The following RANBP17 variants were observed in gnomAD, a reference collection of about 807,000 sequenced individuals.
RANBP17 encodes the protein ran-binding protein 17.
Under a neutral mutation model 141.2 loss-of-function variants are expected in RANBP17, and 158 were observed. That is an observed-to-expected ratio of 1.12 (90% CI 0.98 to 1.28). The LOEUF is 1.28. Ranked by LOEUF, RANBP17 falls within the 50% of genes most tolerant of loss-of-function variation. The probability of loss-of-function intolerance (pLI) is 0.00; values close to 1 mark genes in which losing one functional copy is unlikely to be tolerated. For synonymous variants in RANBP17, 430 were observed against 450.0 expected, an observed-to-expected ratio of 0.96 and a Z score of 0.56; for missense variants, 1,438 against 1,290.7, an observed-to-expected ratio of 1.11 and a Z score of -1.75.
intron 4 of RANBP17, among the ~76,000 whole-genome samples, chr5:170,892,960 G>A: frequency 6.6e-6 from 1 of 152,094 alleles, no homozygotes; most frequent in South Asian, 2.1e-4. Context: ...AGATTGCATA[G>A]TGACTGATTA....
At chr5:171,271,195 C>T (rs1561817872) in intron 25 of RANBP17, 1 of 158,940 alleles carries the variant, frequency 6.3e-6, no homozygotes, top group Non-Finnish European at 1.3e-5. Flanking sequence ...GGGACTTAAG[C>T]TGAAAGAACA....
At chr5:170,918,625 G>A (rs1251299711) in intron 9 of RANBP17, 88 bp from the exon 10 acceptor site, 8 of 1,072,444 alleles carry the variant, frequency 7.5e-6, no homozygotes, top group Non-Finnish European at 1.0e-5. Flanking sequence ...ATGAAAATTG[G>A]GAGACTTAAG....
chr5:171,275,989 C>G (rs574129859), intron 25 of RANBP17, among the ~76,000 whole-genome samples: 1 of 152,134 alleles, frequency 6.6e-6, no homozygotes, highest in Non-Finnish European at 1.5e-5. Flanking sequence ...GCCTTTAGGC[C>G]GGCACCAGAA....
At chr5:171,287,471 C>A (rs1439106373) in intron 25 of RANBP17, among the ~76,000 whole-genome samples, 1 of 144,434 alleles carries the variant, frequency 6.9e-6, no homozygotes, top group African/African-American at 2.6e-5. Context: ...GCCTGGGCGA[C>A]AGGAGCGAAA....
chr5:171,066,517 T>G (rs1451073077), intron 14 of RANBP17, among the ~76,000 whole-genome samples: 1 of 152,250 alleles, frequency 6.6e-6, no homozygotes, highest in African/African-American at 2.4e-5. Flanking sequence ...TTTTTAAGGC[T>G]GAATAGCATT....
intron 12 of RANBP17, among the ~76,000 whole-genome samples, chr5:170,949,637 T>G (rs1775046377): frequency 6.6e-6 from 1 of 152,224 alleles, no homozygotes; most frequent in Non-Finnish European, 1.5e-5. Context: ...TGTAGAATGG[T>G]GCAGCCGCTT....
At chr5:170,988,069 A>AT (rs1364451087) in intron 14 of RANBP17, among the ~76,000 whole-genome samples, 1 of 151,618 alleles carries the variant, frequency 6.6e-6, no homozygotes, top group East Asian at 1.9e-4. Flanking sequence ...AAAGATGATG[A>AT]TTTTTTGTGA....
intron 16 of RANBP17, among the ~76,000 whole-genome samples, chr5:171,172,873 G>A (rs1343203748): frequency 6.6e-6 from 1 of 150,754 alleles, no homozygotes; most frequent in Admixed American, 6.6e-5. Flanking sequence ...AAATATTATA[G>A]CCTTTTATTT....
At chr5:171,012,083 T>TTATTTGTTTAAACAAATAATA (rs1780093955) in intron 14 of RANBP17, among the ~76,000 whole-genome samples, 1 of 151,206 alleles carries the variant, frequency 6.6e-6, no homozygotes, top group African/African-American at 2.4e-5. Flanking sequence ...TATTGTTTGT[T>TTATTTGTTTAAACAAATAATA]TATTTGTTTA....
intron 12 of RANBP17, among the ~76,000 whole-genome samples, chr5:170,948,413 T>C (rs1437439286): frequency 6.6e-6 from 1 of 152,186 alleles, no homozygotes; most frequent in Non-Finnish European, 1.5e-5. Context: ...GGTATGTCTA[T>C]TTTTTAACAA....
chr5:171,109,829 A>G (rs1463822917), intron 14 of RANBP17, among the ~76,000 whole-genome samples: 2 of 152,186 alleles, frequency 1.3e-5, no homozygotes, highest in Non-Finnish European at 2.9e-5. Flanking sequence ...TGAATATCCA[A>G]CACTAAGGCA....
intron 24 of RANBP17, among the ~76,000 whole-genome samples, chr5:171,255,008 C>T (rs2128007984): frequency 6.6e-6 from 1 of 152,276 alleles, no homozygotes. Flanking sequence ...AATTGGGCTG[C>T]TTAAACAGAT....
At chr5:170,948,057 G>C (rs1346769927) in intron 12 of RANBP17, among the ~76,000 whole-genome samples, 2 of 152,162 alleles carry the variant, frequency 1.3e-5, no homozygotes, top group Admixed American at 6.6e-5. Flanking sequence ...ATTGAAAATT[G>C]ATAGGATATC....
intron 5 of RANBP17, among the ~76,000 whole-genome samples, chr5:170,901,205 C>T (rs1326446855): frequency 1.3e-5 from 2 of 152,128 alleles, no homozygotes; most frequent in Non-Finnish European, 2.9e-5. Context: ...GTATTGGATG[C>T]ATGTATATTT....
intron 24 of RANBP17, among the ~76,000 whole-genome samples, chr5:171,249,917 T>C (rs1335859895): frequency 6.6e-6 from 1 of 152,172 alleles, no homozygotes; most frequent in Non-Finnish European, 1.5e-5. Context: ...CAGTGATCCC[T>C]AGGAAGATAC....
chr5:170,964,253 T>C (rs573469581), intron 13 of RANBP17, among the ~76,000 whole-genome samples: 2 of 152,276 alleles, frequency 1.3e-5, no homozygotes, highest in South Asian at 4.1e-4. Context: ...GATGGACATG[T>C]GTGAAATGAC....
intron 14 of RANBP17, among the ~76,000 whole-genome samples, chr5:171,153,231 G>A (rs193077362): frequency 6.6e-6 from 1 of 152,314 alleles, no homozygotes; most frequent in Admixed American, 6.5e-5. Flanking sequence ...TGAAGTAGGT[G>A]TTGTTAATTA....
chr5:170,981,561 CA>C (rs1210679845), intron 14 of RANBP17, among the ~76,000 whole-genome samples: 19 of 147,842 alleles, frequency 1.3e-4, no homozygotes, highest in East Asian at 2.0e-4. Flanking sequence ...CACAGGCTCT[CA>C]TTTTTTTTTT....
chr5:171,251,618 G>T (rs1002640624), intron 24 of RANBP17, among the ~76,000 whole-genome samples: 4 of 151,998 alleles, frequency 2.6e-5, no homozygotes, highest in African/African-American at 9.7e-5. Context: ...TATAGTAAAA[G>T]CAGTGCTAAG....
Sources: allele counts gnomAD v4.1 joint callset (sites outside exome capture counted in the v4.1 genomes callset), GRCh38; gene constraint gnomAD v4.1.1; transcripts MANE v1.5; gene names NCBI Gene and HGNC (gene_info 2026-07-23, HGNC 2026-07-21).